CSMD1: variants seen among roughly 807,000 people sequenced by gnomAD.
The protein encoded by CSMD1 is CUB and Sushi multiple domains 1.
Under a neutral mutation model 417.5 loss-of-function variants are expected in CSMD1, and 213 were observed. That is an observed-to-expected ratio of 0.51 (90% CI 0.46 to 0.57). The LOEUF (loss-of-function observed/expected upper bound fraction) is 0.57. CSMD1 is among the 20% of genes least tolerant of loss of function. The pLI is 0.00. For missense variants in CSMD1, 6,923 were observed against 4,529.7 expected (o/e 1.53, Z -15.17); for synonymous variants, 2,862 against 1,736.8 (o/e 1.65, Z -16.11).
At chr8:2,988,912 G>A (rs1349834507) in intron 54 of CSMD1, among the ~76,000 whole-genome samples, 1 of 152,192 alleles carries the variant, frequency 6.6e-6, no homozygotes, top group Non-Finnish European at 1.5e-5. Flanking sequence ...CCGCCTCACA[G>A]TAGCACGGAT....
intron 2 of CSMD1, among the ~76,000 whole-genome samples, chr8:4,521,808 G>A (rs1803468073): frequency 6.6e-6 from 1 of 152,086 alleles, no homozygotes; most frequent in Non-Finnish European, 1.5e-5. Flanking sequence ...CAAGCACCTG[G>A]GTGGCCTACT....
chr8:4,615,304 G>C (rs996469658), intron 2 of CSMD1, among the ~76,000 whole-genome samples: 1 of 152,140 alleles, frequency 6.6e-6, no homozygotes, highest in Non-Finnish European at 1.5e-5. Context: ...TTGGGTTTAC[G>C]CAGTATCTTC....
At chr8:3,733,205 ACTCT>A (rs1388960983) in intron 6 of CSMD1, among the ~76,000 whole-genome samples, 32 of 87,094 alleles carry the variant, frequency 3.7e-4, no homozygotes, top group African/African-American at 1.6e-3. Context: ...ACACACACAC[ACTCT>A]CTCTCTCTCA....
chr8:3,766,142 T>C (rs1008230639), intron 5 of CSMD1, among the ~76,000 whole-genome samples: 1 of 152,114 alleles, frequency 6.6e-6, no homozygotes, highest in Non-Finnish European at 1.5e-5. Context: ...CCTGATGGCA[T>C]TTCTCTGTGG....
At chr8:4,614,595 G>C (rs565067032) in intron 2 of CSMD1, among the ~76,000 whole-genome samples, 3 of 152,152 alleles carry the variant, frequency 2.0e-5, no homozygotes, top group African/African-American at 4.8e-5. Context: ...AACAACCAGA[G>C]GAAAGTCCGC....
chr8:4,433,000 A>C (rs1797956141), intron 2 of CSMD1, among the ~76,000 whole-genome samples: 1 of 152,084 alleles, frequency 6.6e-6, no homozygotes, highest in Non-Finnish European at 1.5e-5. Flanking sequence ...GGAGCATTAC[A>C]TTCCCACAGG....
At chr8:4,830,345 G>A (rs572223679) in intron 1 of CSMD1, among the ~76,000 whole-genome samples, 5 of 152,128 alleles carry the variant, frequency 3.3e-5, no homozygotes, top group African/African-American at 4.8e-5. Flanking sequence ...ACCAAGATTT[G>A]ACACATTAGA....
intron 7 of CSMD1, among the ~76,000 whole-genome samples, chr8:3,651,698 G>T (rs191198590): frequency 6.6e-6 from 1 of 151,840 alleles, no homozygotes; most frequent in African/African-American, 2.4e-5. Flanking sequence ...CCATCAGAGC[G>T]CTTACCACCA....
At chr8:4,034,344 C>T (rs1585174525) in intron 3 of CSMD1, among the ~76,000 whole-genome samples, 1 of 152,206 alleles carries the variant, frequency 6.6e-6, no homozygotes, top group South Asian at 2.1e-4. Flanking sequence ...GTATTCAGTT[C>T]TAGTTTTTAA....
At chr8:3,899,495 G>A (rs1205822013) in intron 5 of CSMD1, among the ~76,000 whole-genome samples, 10 of 152,142 alleles carry the variant, frequency 6.6e-5, no homozygotes, top group Non-Finnish European at 1.5e-4. Context: ...ACTAGACCTG[G>A]AAGGACCCTC....
At chr8:3,381,368 A>G (rs1303207747) in intron 18 of CSMD1, among the ~76,000 whole-genome samples, 2 of 152,172 alleles carry the variant, frequency 1.3e-5, no homozygotes, top group African/African-American at 2.4e-5. Context: ...AATGCACAGT[A>G]TCATCCAAGA....
rs967446275 is a variant in CSMD1 at position 3,192,756 on chromosome 8, G to C, written c.5195-2641C>G. Among the ~76,000 whole-genome samples the C allele has an allele frequency of 5.3e-5, 8 of 152,284 alleles. No homozygotes were observed. The East Asian group carries it at 1.2e-3, about 22-fold the overall frequency. ...GTGATTTGTCCATCACAGGAGGTCA[G>C]GTGTGAAATTTTTCCTTTGTGGAGT... On this transcript the variant is annotated intron_variant, in intron 33 of 69. Transcript: ENST00000635120.
intron 3 of CSMD1, among the ~76,000 whole-genome samples, chr8:4,051,215 G>A (rs890712240): frequency 6.6e-6 from 1 of 151,716 alleles, no homozygotes; most frequent in African/African-American, 2.4e-5. Context: ...CAGCCTCCCA[G>A]GGACCAGGCC....
chr8:3,806,194 C>A (rs117167237), intron 5 of CSMD1, among the ~76,000 whole-genome samples: 1 of 152,162 alleles, frequency 6.6e-6, no homozygotes, highest in South Asian at 2.1e-4. Context: ...TCCATTCAAA[C>A]GCAGAGTGCT....
rs577340717 is a variant in CSMD1, at chr8:4,041,193, A to G, written c.416-9094T>C. Among the ~76,000 whole-genome samples the G allele has an allele frequency of 5.3e-5, 8 of 150,972 alleles. 1 individual carries two copies. The highest frequency in any genetic ancestry group is 1.0e-4 in the Non-Finnish European group (7 of 67,788). Reference sequence around the variant, plus strand: ...CACCACGCCCGGCTAATTTTTTTGTATTTTTGGTAGAGACGGGGTTTCACC... The same window carrying G: ...CACCACGCCCGGCTAATTTTTTTGTGTTTTTGGTAGAGACGGGGTTTCACC... On this transcript the variant is annotated intron_variant, in intron 3 of 69. Coordinates refer to ENST00000635120, the MANE Select transcript of CSMD1 (RefSeq NM_033225.6).
At chr8:3,120,341 G>A (rs557839901) in intron 41 of CSMD1, among the ~76,000 whole-genome samples, 2 of 152,314 alleles carry the variant, frequency 1.3e-5, no homozygotes, top group African/African-American at 4.8e-5. Context: ...AAGATAATGT[G>A]AGAACATATG....
intron 8 of CSMD1, among the ~76,000 whole-genome samples, chr8:3,594,329 G>C (rs1800993844): frequency 6.6e-6 from 1 of 152,076 alleles, no homozygotes; most frequent in African/African-American, 2.4e-5. Context: ...AAAAAGAACT[G>C]ATTTGCCTTT....
chr8:4,028,882 C>G (rs965963540), intron 4 of CSMD1, among the ~76,000 whole-genome samples: 25 of 152,128 alleles, frequency 1.6e-4, no homozygotes, highest in African/African-American at 6.0e-4. Context: ...TTAGGAAAGT[C>G]AAAACCTAAG....
At chr8:3,510,643 A>T (rs1357523026) in intron 10 of CSMD1, among the ~76,000 whole-genome samples, 1 of 151,796 alleles carries the variant, frequency 6.6e-6, no homozygotes, top group Non-Finnish European at 1.5e-5. Context: ...CGATAAAAAA[A>T]TCACATTTCA....
Sources: allele counts gnomAD v4.1 joint callset (sites outside exome capture counted in the v4.1 genomes callset), GRCh38; gene constraint gnomAD v4.1.1; transcripts MANE v1.5; gene names NCBI Gene and HGNC (gene_info 2026-07-23, HGNC 2026-07-21).